Variants in C2CD3 observed in about 807,000 individuals in gnomAD.
The protein encoded by C2CD3 is C2 domain containing 3 centriole elongation regulator, also known as C2 domain-containing protein 3.
In C2CD3, 148 loss-of-function variants were observed where a neutral mutation model predicts 234.0. That is an observed-to-expected ratio of 0.63 (90% CI 0.55 to 0.72). The LOEUF is 0.72. Among genes scored for constraint, C2CD3 ranks in the 30% least tolerant of loss-of-function variants. C2CD3 has a pLI of 0.00. For missense variants in C2CD3, 2,577 were observed against 2,811.5 expected, an observed-to-expected ratio of 0.92 and a Z score of 1.89; for synonymous variants, 1,000 against 1,035.4, an observed-to-expected ratio of 0.97 and a Z score of 0.66.
At chr11:74,053,842 G>GTAT (rs891828042) in intron 26 of C2CD3, among the ~76,000 whole-genome samples, 9 of 152,174 alleles carry the variant, frequency 5.9e-5, no homozygotes, top group African/African-American at 2.2e-4. Context: ...AATAGGCCAG[G>GTAT]TATGGTGGCT....
intron 26 of C2CD3, 142 bp from the exon 27 acceptor site, chr11:74,049,684 T>G: frequency 1.5e-6 from 1 of 654,184 alleles, no homozygotes; most frequent in South Asian, 2.0e-5. Context: ...ATAATGAAGT[T>G]GAGAGGGACT....
chr11:74,047,218 C>T (rs1384718927), intron 28 of C2CD3, among the ~76,000 whole-genome samples: 2 of 152,230 alleles, frequency 1.3e-5, no homozygotes, highest in Non-Finnish European at 2.9e-5. Context: ...TGAATTATAG[C>T]CTAGCCTTAA....
rs771120609 is a variant in C2CD3, at chr11:74,114,447, T to G, written c.1667A>C (p.Gln556Pro). Residue 556 changes from glutamine (Q) to proline (P), a missense_variant, in exon 10 of 33, where the codon CAG becomes CCG. Transcript: ENST00000334126. ...ETMGVPPDSP[Q>P]MTPGKKSYAG... ...ATAGCTTTTTTTGCCAGGGGTCATC[T>G]GAGGACTATCTGGAGGAACTCCCAT... 3.8e-5 allele frequency: 62 copies of G among 1,614,024 alleles called. No individual in the cohort carries two copies. Among genetic ancestry groups the G allele is most frequent in the Non-Finnish European group, 4.8e-5 (57 of 1,179,998 alleles).
chr11:74,046,189 C>T (rs1233535221), intron 28 of C2CD3, among the ~76,000 whole-genome samples: 4 of 152,074 alleles, frequency 2.6e-5, no homozygotes, highest in Non-Finnish European at 5.9e-5. Context: ...ATATATCTAC[C>T]ATCTCCAAAA....
intron 11 of C2CD3, among the ~76,000 whole-genome samples, chr11:74,109,742 T>C (rs1319450886): frequency 2.0e-5 from 3 of 151,906 alleles, no homozygotes; most frequent in African/African-American, 7.3e-5. Context: ...GGTATTTGAG[T>C]TTGTGCTCAT....
chr11:74,016,221 T>TA lies in C2CD3; in HGVS notation c.6922-2697dup, dbSNP rs201179096. ...GCTAGAGAGAAGACAGACAATGAGC[T>TA]ACCCAACAATCACAGAGATGAAGCT... On this transcript the variant is annotated intron_variant, in intron 32 of 32. Coordinates refer to ENST00000334126, the MANE Select transcript of C2CD3 (RefSeq NM_001286577.2). Among the ~76,000 whole-genome samples the TA allele has an allele frequency of 8.6e-3, 1,312 of 152,338 alleles. 12 individuals carry two copies. The highest frequency in any genetic ancestry group is 0.015 in the Non-Finnish European group (1,006 of 68,028).
intron 7 of C2CD3, among the ~76,000 whole-genome samples, chr11:74,126,627 C>T (rs930283751): frequency 6.6e-6 from 1 of 152,094 alleles, no homozygotes; most frequent in Non-Finnish European, 1.5e-5. Context: ...GCCTGCAATC[C>T]CAGCTACTCG....
At chr11:74,013,680 A>G (rs1210325853) in intron 32 of C2CD3, among the ~76,000 whole-genome samples, 155 bp from the exon 33 acceptor site, 2 of 151,996 alleles carry the variant, frequency 1.3e-5, no homozygotes, top group East Asian at 3.9e-4. Flanking sequence ...CTTGACCCTT[A>G]CCTCAACCCC....
At chr11:74,125,312 T>C (rs1426805332) in intron 7 of C2CD3, among the ~76,000 whole-genome samples, 1 of 152,096 alleles carries the variant, frequency 6.6e-6, no homozygotes, top group South Asian at 2.1e-4. Context: ...GGATTACAGG[T>C]GCACACCAAT....
chr11:74,153,690 A>C (rs2135560476), intron 3 of C2CD3, among the ~76,000 whole-genome samples: 1 of 152,330 alleles, frequency 6.6e-6, no homozygotes, highest in East Asian at 1.9e-4. Flanking sequence ...CAACAAGCTG[A>C]TTCTAATATT....
chr11:74,066,538 A>G (rs895085623), intron 24 of C2CD3, among the ~76,000 whole-genome samples: 14 of 152,092 alleles, frequency 9.2e-5, no homozygotes, highest in Admixed American at 7.9e-4. Context: ...CAATCACTGA[A>G]CTTTATAACC....
intron 3 of C2CD3, among the ~76,000 whole-genome samples, chr11:74,140,855 A>G (rs1357143159): frequency 1.3e-5 from 2 of 152,172 alleles, no homozygotes; most frequent in Non-Finnish European, 2.9e-5. Context: ...TGAAAAGGTA[A>G]TTACTTTAAG....
intron 3 of C2CD3, among the ~76,000 whole-genome samples, chr11:74,149,251 A>G (rs777033083): frequency 2.0e-5 from 3 of 152,240 alleles, no homozygotes; most frequent in Non-Finnish European, 4.4e-5. Flanking sequence ...CAATTATAGT[A>G]TGAACATGTA....
chr11:74,055,515 A>C (rs1448977556), intron 25 of C2CD3, among the ~76,000 whole-genome samples: 1 of 152,238 alleles, frequency 6.6e-6, no homozygotes, highest in African/African-American at 2.4e-5. Flanking sequence ...TGGGGAAGTG[A>C]ATAGAGCCTA....
intron 30 of C2CD3, among the ~76,000 whole-genome samples, chr11:74,035,339 C>A (rs1952687681): frequency 6.6e-6 from 1 of 152,194 alleles, no homozygotes; most frequent in Admixed American, 6.5e-5. Flanking sequence ...TCAGAGCAGT[C>A]TTCTTGCTTT....
Position 74,028,359 on chromosome 11 carries a change from G to A in C2CD3, c.6849C>T (p.Pro2283=). 1 of 1,535,980 alleles carries A rather than the reference G, an allele frequency of 6.5e-7. No homozygotes were observed. Among genetic ancestry groups the A allele is most frequent in the South Asian group, 1.2e-5 (1 of 84,062 alleles). ...PIVVPNFFLP[P]QQLEASLRML... Reference sequence around the variant, plus strand: ...TCCGCAGGGAAGCCTCCAACTGCTGGGGAGGCAAAAAGAAGTTGGGCACCA... The same window carrying A: ...TCCGCAGGGAAGCCTCCAACTGCTGAGGAGGCAAAAAGAAGTTGGGCACCA... Residue 2283 remains proline (P), a synonymous_variant, in exon 32 of 33, where the codon CCC becomes CCT. Coordinates refer to ENST00000334126, the MANE Select transcript of C2CD3 (RefSeq NM_001286577.2).
In C2CD3 at chr11:74,074,547, G is replaced by A. The variant is rs747183300; in HGVS notation, c.4657C>T (p.Arg1553Ter). The A allele has an allele frequency of 8.1e-6, 13 of 1,614,010 alleles. No homozygotes were observed. The highest frequency in any genetic ancestry group is 1.3e-5 in the African/African-American group (1 of 74,930). ...AGAGAGGAAAGAACCACATGAACTC[G>A]CAAGGCAGCTCCTGAGAGGTTGGAA... The part of the protein sequence containing the change: ...NASNLSGAAL[R>*]VHVVLSSLSS... Residue 1553 changes from arginine (R) to a stop codon, truncating the protein, a stop_gained, in exon 24 of 33, where the codon CGA becomes TGA. Transcript: ENST00000334126. LOFTEE classifies it high-confidence loss of function.
chr11:74,076,484 A>G (rs1158439947), intron 23 of C2CD3, among the ~76,000 whole-genome samples: 1 of 152,248 alleles, frequency 6.6e-6, no homozygotes, highest in Non-Finnish European at 1.5e-5. Flanking sequence ...AACTACAGTC[A>G]CTAGCTTTAT....
At chr11:74,134,047 G>T (rs1033626827) in intron 5 of C2CD3, among the ~76,000 whole-genome samples, 1 of 151,976 alleles carries the variant, frequency 6.6e-6, no homozygotes, top group East Asian at 1.9e-4. Flanking sequence ...CCCTTAAGGG[G>T]TCCCACAACA....
Sources: allele counts gnomAD v4.1 joint callset (sites outside exome capture counted in the v4.1 genomes callset), GRCh38; gene constraint gnomAD v4.1.1; transcripts MANE v1.5; gene names NCBI Gene and HGNC (gene_info 2026-07-23, HGNC 2026-07-21).